The following TSGA10 variants were observed in gnomAD, a reference collection of about 807,000 sequenced individuals.
The protein encoded by TSGA10 is testis-specific gene 10 protein.
TSGA10 carries 43 observed loss-of-function variants against 96.6 expected under a neutral mutation model. The observed-to-expected ratio is 0.44, with a 90% CI of 0.35 to 0.57. The LOEUF (loss-of-function observed/expected upper bound fraction) is 0.57. TSGA10 is among the 20% of genes least tolerant of loss of function. The probability of loss-of-function intolerance (pLI) is 0.01; values close to 1 mark genes in which losing one functional copy is unlikely to be tolerated. For synonymous variants in TSGA10, 229 were observed against 269.9 expected, an observed-to-expected ratio of 0.85 and a Z score of 1.48; for missense variants, 703 against 834.4, an observed-to-expected ratio of 0.84 and a Z score of 1.94.
intron 1 of TSGA10, chr2:99,141,132 GA>G (rs2093529936): frequency 7.8e-7 from 1 of 1,278,584 alleles, no homozygotes; most frequent in African/African-American, 1.5e-5. Flanking sequence ...GTCCTGCCCA[GA>G]GCTCATCCCC....
At chr2:99,108,799 T>C (rs185291800) in intron 7 of TSGA10, 34 bp downstream of exon 7, 1 of 1,447,316 alleles carries the variant, frequency 6.9e-7, no homozygotes, top group African/African-American at 1.4e-5. Flanking sequence ...AACTCAATGT[T>C]ATTACTTATA....
chr2:99,061,923 G>A (rs1401225960), intron 16 of TSGA10, among the ~76,000 whole-genome samples: 1 of 152,190 alleles, frequency 6.6e-6, no homozygotes. Context: ...GGATGTGCAT[G>A]CACAGAAGAA....
At chr2:99,001,033 C>T (rs928418524) in intron 20 of TSGA10, among the ~76,000 whole-genome samples, 1 of 152,214 alleles carries the variant, frequency 6.6e-6, no homozygotes, top group African/African-American at 2.4e-5. Context: ...GTAGACTTCA[C>T]CTCTGGGGAC....
At chr2:99,044,257 G>C (rs1444675234) in intron 16 of TSGA10, among the ~76,000 whole-genome samples, 1 of 151,584 alleles carries the variant, frequency 6.6e-6, no homozygotes, top group Non-Finnish European at 1.5e-5. Context: ...AAGACCCACT[G>C]GTGTGCTGTA....
intron 17 of TSGA10, among the ~76,000 whole-genome samples, chr2:99,028,524 C>A (rs2080847495): frequency 6.6e-6 from 1 of 152,120 alleles, no homozygotes; most frequent in East Asian, 1.9e-4. Context: ...AGTATATTAA[C>A]TGTAGTTACC....
chr2:99,134,282 C>G (rs1408057583), intron 1 of TSGA10, among the ~76,000 whole-genome samples: 1 of 152,028 alleles, frequency 6.6e-6, no homozygotes, highest in African/African-American at 2.4e-5. Context: ...TTTGTTTCTT[C>G]TCATCCTTTT....
intron 4 of TSGA10, among the ~76,000 whole-genome samples, chr2:99,111,986 G>T (rs1400596277): frequency 6.6e-6 from 1 of 151,912 alleles, no homozygotes; most frequent in African/African-American, 2.4e-5. Context: ...GTATAACAAG[G>T]TATGATTATG....
At chr2:99,139,749 A>G (rs2093460777) in intron 1 of TSGA10, among the ~76,000 whole-genome samples, 1 of 152,262 alleles carries the variant, frequency 6.6e-6, no homozygotes, top group Admixed American at 6.5e-5. Context: ...GATGTAAATG[A>G]ATACTTAGTA....
chr2:99,072,042 T>G (rs993190066), intron 13 of TSGA10, among the ~76,000 whole-genome samples, 168 bp from the exon 14 acceptor site: 4 of 152,342 alleles, frequency 2.6e-5, no homozygotes, highest in Non-Finnish European at 1.5e-5. Flanking sequence ...TTAGAGTTTC[T>G]CAATGTTGCC....
chr2:99,063,148 A>G (rs751038299), intron 16 of TSGA10, among the ~76,000 whole-genome samples: 1 of 152,232 alleles, frequency 6.6e-6, no homozygotes. Context: ...AGGACAACGG[A>G]TATCTATTCA....
intron 10 of TSGA10, among the ~76,000 whole-genome samples, chr2:99,089,510 C>A (rs540680534): frequency 6.6e-6 from 1 of 152,128 alleles, no homozygotes; most frequent in African/African-American, 2.4e-5. Flanking sequence ...TAGCCTGGGG[C>A]AAGTTCTCAG....
chr2:99,021,625 G>A (rs998593301), intron 17 of TSGA10, among the ~76,000 whole-genome samples: 2 of 152,112 alleles, frequency 1.3e-5, no homozygotes, highest in African/African-American at 4.8e-5. Context: ...TTGGAGTGGG[G>A]GCAGCACTAT....
In TSGA10 at chr2:99,081,369, G is replaced by A. The variant is rs754563188; in HGVS notation, c.640C>T (p.Leu214Phe). 5 of 1,577,286 alleles carry A rather than the reference G, an allele frequency of 3.2e-6. No individual in the cohort carries two copies. The highest frequency in any genetic ancestry group is 2.7e-5 in the African/African-American group (2 of 73,684). ...GCAAGGTGTCGCTGAGTATCAGAAA[G>A]ATCTTTTTCTGTGTTTTCATACAAA... ...RLLYENTEKD[L>F]SDTQRHLAKK... Residue 214 changes from leucine to phenylalanine, a missense_variant, in exon 11 of 21, where the codon CTT (leucine) becomes TTT (phenylalanine). Transcript: ENST00000393483.
At position 99,081,267 on chromosome 2, in the gene TSGA10, G is replaced by C. The variant is rs1270774296; in HGVS notation, c.727+15C>G. Reference sequence around the variant, plus strand: ...TAAGAAAAACTAAAAGTAATATTAAGAGAAAAAAACTCACCAATTTTTTCA... The same window carrying C: ...TAAGAAAAACTAAAAGTAATATTAACAGAAAAAAACTCACCAATTTTTTCA... On this transcript the variant is annotated intron_variant, in intron 11 of 20. Coordinates refer to ENST00000393483, the MANE Select transcript of TSGA10 (RefSeq NM_025244.4). 5 of 1,392,398 alleles carry C rather than the reference G, an allele frequency of 3.6e-6. No homozygotes were observed. Among genetic ancestry groups the C allele is most frequent in the Non-Finnish European group, 4.9e-6 (5 of 1,012,190 alleles). The allele number at this position is 1,392,398 out of a possible 1,614,324, so 86.3% of individuals were successfully genotyped here.
chr2:98,999,136 T>A (rs761464428), intron 20 of TSGA10, among the ~76,000 whole-genome samples: 4 of 151,874 alleles, frequency 2.6e-5, no homozygotes, highest in African/African-American at 9.7e-5. Context: ...CCTCAAATGA[T>A]CCTCCCACCT....
chr2:99,116,335 A>C lies in TSGA10; in HGVS notation c.-140+1209T>G, dbSNP rs537159933. On this transcript the variant is annotated intron_variant, in intron 4 of 20. Coordinates refer to ENST00000393483, the MANE Select transcript of TSGA10 (RefSeq NM_025244.4). Reference sequence around the variant, plus strand: ...TAATTACATTTAATCTCTAGTTTCTAAATTTCATGGCAAAGTACTCAATCA... The same window carrying C: ...TAATTACATTTAATCTCTAGTTTCTCAATTTCATGGCAAAGTACTCAATCA... Among the ~76,000 whole-genome samples the C allele has an allele frequency of 7.5e-5, 11 of 146,858 alleles. No homozygotes were observed. In the South Asian group the frequency reaches 2.5e-3, roughly 33 times the overall value.
intron 16 of TSGA10, among the ~76,000 whole-genome samples, chr2:99,045,729 G>C (rs972303659): frequency 6.6e-6 from 1 of 152,070 alleles, no homozygotes; most frequent in Non-Finnish European, 1.5e-5. Context: ...ATTCACACAT[G>C]ACAATATTAA....
At chr2:99,126,861 C>G (rs577220970) in intron 2 of TSGA10, 187 bp downstream of exon 2, 1 of 373,106 alleles carries the variant, frequency 2.7e-6, no homozygotes. Context: ...ACACTTGACA[C>G]GTAGTTTGCA....
chr2:99,010,486 C>T (rs2078911374), intron 20 of TSGA10, among the ~76,000 whole-genome samples: 2 of 152,230 alleles, frequency 1.3e-5, no homozygotes, highest in African/African-American at 4.8e-5. Context: ...AAATCCACAT[C>T]ACGGGAGAAA....
Sources: gnomAD v4.1 joint callset for allele counts (sites outside exome capture counted in the v4.1 genomes callset) on GRCh38, gnomAD v4.1.1 for gene constraint, MANE v1.5 for transcripts, NCBI Gene and HGNC (gene_info 2026-07-23, HGNC 2026-07-21) for gene names.